WDR64: variants seen among roughly 807,000 people sequenced by gnomAD.
WDR64 encodes WD repeat domain 64, also known as WD repeat-containing protein 64.
WDR64 carries 112 observed loss-of-function variants against 139.3 expected under a neutral mutation model. The ratio of observed to expected loss-of-function variants is 0.80; its 90% confidence interval spans 0.69 to 0.94. The LOEUF (loss-of-function observed/expected upper bound fraction) is 0.94. Ranked by LOEUF, WDR64 falls within the 40% of genes least tolerant of loss-of-function variation. The pLI is 0.00. For synonymous variants in WDR64, 444 were observed against 437.7 expected (o/e 1.01, Z -0.18); for missense variants, 1,206 against 1,293.1 (o/e 0.93, Z 1.03).
intron 8 of WDR64, among the ~76,000 whole-genome samples, chr1:241,705,399 G>C (rs1667900203): frequency 6.6e-6 from 1 of 151,704 alleles, no homozygotes; most frequent in East Asian, 1.9e-4. Context: ...AAAAATAGCA[G>C]GGCATGGTGG....
chr1:241,725,553 G>A (rs557662302), intron 10 of WDR64, among the ~76,000 whole-genome samples: 1 of 152,192 alleles, frequency 6.6e-6, no homozygotes, highest in South Asian at 2.1e-4. Context: ...TCTCCCTGGA[G>A]CCCATGCTTG....
At chr1:241,768,672 AG>A (rs928441507) in intron 16 of WDR64, among the ~76,000 whole-genome samples, 57 of 151,998 alleles carry the variant, frequency 3.8e-4, no homozygotes, top group African/African-American at 1.4e-3. Context: ...CTGAAGAAAC[AG>A]GGGAAATTTT....
At position 241,783,276 on chromosome 1, in the gene WDR64, T is replaced by A; in HGVS notation, c.2600T>A (p.Phe867Tyr). 1 of 1,613,294 alleles carries A rather than the reference T, an allele frequency of 6.2e-7. No individual in the cohort carries two copies. The highest frequency in any genetic ancestry group is 8.5e-7 in the Non-Finnish European group (1 of 1,179,704). ...TGCCTTGTTTTTGCTATCTAGAAAT[T>A]CAAGCAGCTGCTTTCCTGGCGTGCT... is the stretch of plus-strand genomic sequence containing the variant. ...FLDPPHDEKK[F>Y]KQLLSWRAHS... The change falls in exon 23 of 28, where the codon TTC (phenylalanine) becomes TAC (tyrosine). Residue 867 changes from phenylalanine to tyrosine, a missense_variant. Physicochemically the swap from Phe to Tyr is conservative, Grantham distance 22. Transcript: ENST00000437684.
At chr1:241,739,805 G>A (rs550415402) in intron 11 of WDR64, among the ~76,000 whole-genome samples, 70 of 152,302 alleles carry the variant, frequency 4.6e-4, no homozygotes, top group African/African-American at 1.6e-3. Flanking sequence ...CACCAAAACT[G>A]CAGACACTTA....
At chr1:241,678,337 T>C (rs1558467968) in intron 5 of WDR64, 121 bp downstream of exon 5, 1 of 394,004 alleles carries the variant, frequency 2.5e-6, no homozygotes. Flanking sequence ...TTTCATATAT[T>C]ATAAATTTAT....
At chr1:241,767,098 A>G (rs1193838659) in intron 16 of WDR64, among the ~76,000 whole-genome samples, 2 of 152,074 alleles carry the variant, frequency 1.3e-5, no homozygotes, top group Non-Finnish European at 2.9e-5. Flanking sequence ...CCCCGCTCCC[A>G]AACTTCTCCC....
intron 9 of WDR64, among the ~76,000 whole-genome samples, chr1:241,717,895 G>A (rs1205165125): frequency 1.3e-5 from 2 of 152,108 alleles, no homozygotes; most frequent in Non-Finnish European, 2.9e-5. Flanking sequence ...AATAGTAATT[G>A]TTAGTTTACG....
intron 9 of WDR64, among the ~76,000 whole-genome samples, chr1:241,720,083 T>C (rs1379772190): frequency 1.3e-5 from 2 of 152,228 alleles, no homozygotes; most frequent in East Asian, 1.9e-4. Context: ...GTTAGTTTGC[T>C]GAGGATAACG....
At chr1:241,764,116 A>T (rs1658041061) in intron 15 of WDR64, among the ~76,000 whole-genome samples, 1 of 152,206 alleles carries the variant, frequency 6.6e-6, no homozygotes, top group African/African-American at 2.4e-5. Context: ...CTGGAGTAAT[A>T]CTGGGAGTAG....
rs569442103 is a variant in WDR64, at chr1:241,679,753, T to G, written c.624+158T>G. Among the ~76,000 whole-genome samples, 21 of 152,322 alleles carry G rather than the reference T, an allele frequency of 1.4e-4. No homozygotes were observed. In the East Asian group the frequency reaches 3.7e-3, roughly 27 times the overall value. On this transcript the variant is annotated intron_variant, in intron 6 of 27. Transcript: ENST00000437684. ...CTTAGATCAAGTTCAGCATGTATAC[T>G]CTCTAATTAAAAGGGACTATTCTTT...
At position 241,771,648 on chromosome 1, in the gene WDR64, TC is replaced by T; in HGVS notation, c.2254-10del. The T allele has an allele frequency of 6.7e-7, 1 of 1,491,640 alleles. No homozygotes were observed. The highest frequency in any genetic ancestry group is 8.9e-7 in the Non-Finnish European group (1 of 1,117,446). The allele number at this position is 1,491,640 out of a possible 1,614,324, so 92.4% of individuals were successfully genotyped here. On this transcript the variant is annotated splice_polypyrimidine_tract_variant and intron_variant, in intron 18 of 27. Coordinates refer to ENST00000437684, the MANE Select transcript of WDR64 (RefSeq NM_001367482.1). The stretch of plus-strand genomic sequence containing the variant: ...GTCATGGAAGTCTTTTCTCTTTTCC[TC>T]CCATAATTCAGGGAAGCAAGCAAAG...
chr1:241,705,467 G>A (rs941346886), intron 8 of WDR64, among the ~76,000 whole-genome samples: 10 of 151,358 alleles, frequency 6.6e-5, no homozygotes, highest in Non-Finnish European at 1.0e-4. Flanking sequence ...GCGTGAACCC[G>A]GGAGGCGGAG....
At chr1:241,728,419 A>G (rs909160174) in intron 10 of WDR64, among the ~76,000 whole-genome samples, 1 of 136,560 alleles carries the variant, frequency 7.3e-6, no homozygotes, top group Non-Finnish European at 1.6e-5. Flanking sequence ...ATTTACAGAA[A>G]AGGGAACAGA....
At chr1:241,766,053 T>C (rs1658150599) in intron 15 of WDR64, among the ~76,000 whole-genome samples, 165 bp from the exon 16 acceptor site, 1 of 152,200 alleles carries the variant, frequency 6.6e-6, no homozygotes, top group African/African-American at 2.4e-5. Flanking sequence ...AAAATTTTAG[T>C]GCAAGAAAAA....
At chr1:241,668,650 C>G (rs941203439) in intron 2 of WDR64, among the ~76,000 whole-genome samples, 2 of 151,968 alleles carry the variant, frequency 1.3e-5, no homozygotes, top group African/African-American at 4.8e-5. Context: ...GTGGCTCACA[C>G]CTGTAATCCC....
chr1:241,690,081 C>A (rs1667156681), intron 8 of WDR64, among the ~76,000 whole-genome samples: 1 of 151,914 alleles, frequency 6.6e-6, no homozygotes, highest in Non-Finnish European at 1.5e-5. Flanking sequence ...GACACCAAAC[C>A]CCAGATCCAG....
chr1:241,667,360 C>T (rs575935503), intron 2 of WDR64, among the ~76,000 whole-genome samples: 100 of 152,222 alleles, frequency 6.6e-4, no homozygotes, highest in East Asian at 5.8e-4. Context: ...GTGTGACTGG[C>T]GGAATTCTGA....
At chr1:241,719,577 G>A (rs1398279839) in intron 9 of WDR64, among the ~76,000 whole-genome samples, 4 of 152,068 alleles carry the variant, frequency 2.6e-5, no homozygotes, top group Non-Finnish European at 5.9e-5. Context: ...AATAATCATA[G>A]AATTATGGAA....
At chr1:241,657,471 C>T (rs1035802005) in intron 1 of WDR64, among the ~76,000 whole-genome samples, 1 of 152,150 alleles carries the variant, frequency 6.6e-6, no homozygotes, top group Non-Finnish European at 1.5e-5. Flanking sequence ...CAGCATTTTC[C>T]GCAGTCCTCA....
Sources: gnomAD v4.1 joint callset for allele counts (sites outside exome capture counted in the v4.1 genomes callset) on GRCh38, gnomAD v4.1.1 for gene constraint, MANE v1.5 for transcripts, NCBI Gene and HGNC (gene_info 2026-07-23, HGNC 2026-07-21) for gene names.